Variants in MTCL1 observed in about 807,000 individuals in gnomAD.
MTCL1 encodes the protein microtubule cross-linking factor 1.
In MTCL1, 79 loss-of-function variants were observed where a neutral mutation model predicts 141.4. That is an observed-to-expected ratio of 0.56 (90% CI 0.47 to 0.67). MTCL1 has a LOEUF of 0.67. MTCL1 is among the 30% of genes least tolerant of loss of function. The pLI is 0.00. For synonymous variants in MTCL1, 914 were observed against 875.8 expected (o/e 1.04, Z -0.77); for missense variants, 2,177 against 2,113.9 (o/e 1.03, Z -0.59).
At chr18:8,763,822 C>G (rs549369710) in intron 4 of MTCL1, among the ~76,000 whole-genome samples, 1 of 152,152 alleles carries the variant, frequency 6.6e-6, no homozygotes, top group Non-Finnish European at 1.5e-5. Context: ...GCCATTGGCT[C>G]TTGGCATACT....
intron 12 of MTCL1, among the ~76,000 whole-genome samples, chr18:8,815,213 G>A (rs576087286): frequency 7.9e-5 from 12 of 151,980 alleles, no homozygotes; most frequent in Admixed American, 3.9e-4. Context: ...CAGAGACTTG[G>A]AACCAACCCA....
rs1334042570 is a variant in MTCL1 at position 8,828,610 on chromosome 18, G to A, written c.4723-298G>A. Among the ~76,000 whole-genome samples the A allele has an allele frequency of 1.3e-5, 2 of 152,170 alleles. No individual in the cohort carries two copies. Among genetic ancestry groups the A allele is most frequent in the Admixed American group, 6.5e-5 (1 of 15,284 alleles). The stretch of plus-strand genomic sequence containing the variant: ...AATGTTAAATGCTAAAGGGTGACTC[G>A]GAAGCATAGAAACTAGAGGGAGGTC... On this transcript the variant is annotated intron_variant, in intron 15 of 16. Coordinates refer to ENST00000359865, the Ensembl canonical transcript of MTCL1. This position sits in a 1 kb window ranked among gnomAD's most constrained non-coding sequence, Gnocchi z 5.2.
chr18:8,719,965 G>C (rs1337030067), intron 3 of MTCL1: 1 of 175,926 alleles, frequency 5.7e-6, no homozygotes, highest in East Asian at 1.5e-4. Context: ...GGCAGAATTG[G>C]CATGGTTGGT....
rs138220533 is a variant in MTCL1, at chr18:8,741,029, C to G, written c.357+20533C>G. On this transcript the variant is annotated intron_variant, in intron 4 of 16. Transcript: ENST00000359865. ...TTCCACAAAGCAACCCTAAATTGTC[C>G]CCTTTTACATAGGACAGTACCAGAG... 2.4e-3 allele frequency among the ~76,000 whole-genome samples: 360 copies of G among 152,308 alleles called. 3 individuals are homozygous for G. The highest frequency in any genetic ancestry group is 8.4e-3 in the African/African-American group (348 of 41,568).
At chr18:8,721,375 G>A (rs1183916538) in intron 4 of MTCL1, among the ~76,000 whole-genome samples, 1 of 152,206 alleles carries the variant, frequency 6.6e-6, no homozygotes, top group African/African-American at 2.4e-5. Context: ...ATGGGCTCTG[G>A]GTAGGGTTGT....
At chr18:8,718,866 G>T (rs2096148603) in intron 3 of MTCL1, among the ~76,000 whole-genome samples, 1 of 152,104 alleles carries the variant, frequency 6.6e-6, no homozygotes, top group Admixed American at 6.5e-5. Context: ...AAAAAATGAT[G>T]ATTATTTGTG....
chr18:8,792,386 G>C (rs12326181), intron 7 of MTCL1, among the ~76,000 whole-genome samples: 1 of 152,024 alleles, frequency 6.6e-6, no homozygotes, highest in Non-Finnish European at 1.5e-5. Flanking sequence ...ATCTTTGTGC[G>C]ATTCCCTGTA....
At chr18:8,712,326 G>A (rs1158714249) in intron 1 of MTCL1, among the ~76,000 whole-genome samples, 1 of 152,232 alleles carries the variant, frequency 6.6e-6, no homozygotes, top group African/African-American at 2.4e-5. Context: ...GTGTCTCACT[G>A]CTGATCCAAG....
At chr18:8,821,135 C>T (rs540409894) in intron 13 of MTCL1, among the ~76,000 whole-genome samples, 61 of 152,312 alleles carry the variant, frequency 4.0e-4, no homozygotes, top group African/African-American at 1.2e-3. Flanking sequence ...TTACAAATCC[C>T]GCTTTGAAAT....
rs71356268 is a variant in MTCL1, at chr18:8,805,102, A to AATATATATATATAT, written c.2437-1787_2437-1774dup. Among the ~76,000 whole-genome samples the AATATATATATATAT allele has an allele frequency of 6.5e-3, 948 of 146,314 alleles. 13 individuals are homozygous for AATATATATATATAT. Among genetic ancestry groups the AATATATATATATAT allele is most frequent in the African/African-American group, 0.02 (765 of 38,896 alleles). On this transcript the variant is annotated intron_variant, in intron 10 of 16. Coordinates refer to ENST00000359865, the Ensembl canonical transcript of MTCL1. Reference sequence around the variant, plus strand: ...TCTTTTTAATACAACTTTATTTTTGAATATATATATATATATAGAATTTTA... The same window carrying AATATATATATATAT: ...TCTTTTTAATACAACTTTATTTTTGAATATATATATATATATATATATATATATATAGAATTTTA...
chr18:8,830,196 C>A lies in MTCL1; in HGVS notation c.*18+1232C>A. 3.0e-6 allele frequency: 3 copies of A among 985,702 alleles called. No homozygotes were observed. Among genetic ancestry groups the A allele is most frequent in the Non-Finnish European group, 2.4e-6 (2 of 830,128 alleles). 61.1% of individuals were successfully genotyped at this position (985,702 alleles called of 1,614,324 possible). ...CACAGGAGCACCTTGGGTTAGTCTGCATCTTGGTGGCTGGTGGCGCTGGTG... is the reference window on the plus strand; with the variant it reads ...CACAGGAGCACCTTGGGTTAGTCTGAATCTTGGTGGCTGGTGGCGCTGGTG... On this transcript the variant is annotated intron_variant, in intron 16 of 16. Coordinates refer to ENST00000359865, the Ensembl canonical transcript of MTCL1. The surrounding 1 kb of genome is among the most constrained non-coding windows in gnomAD (Gnocchi z 6.4).
chr18:8,786,113 C>A (rs761812663), intron 7 of MTCL1, 22 bp downstream of exon 6: 51 of 1,383,454 alleles, frequency 3.7e-5, no homozygotes, highest in Admixed American at 1.8e-4. Flanking sequence ...CAAGCAATCC[C>A]CCCCCCCCGC....
At chr18:8,808,519 G>C (rs1263886629) in intron 11 of MTCL1, among the ~76,000 whole-genome samples, 1 of 152,182 alleles carries the variant, frequency 6.6e-6, no homozygotes, top group Non-Finnish European at 1.5e-5. Flanking sequence ...AAGCCAGGTG[G>C]TAATAGGTAG....
chr18:8,782,313 G>T (rs571303495), intron 5 of MTCL1: 7 of 152,242 alleles, frequency 4.6e-5, no homozygotes, highest in Non-Finnish European at 1.0e-4. Flanking sequence ...GTTTCTCTGT[G>T]TGATGGGGGA....
rs896643198 is a variant in MTCL1, at chr18:8,810,581, T to C, written c.2605-2398T>C. ...GAGGACCTGTTGGTTGCTGGAAGCA[T>C]CTACAGGTGAACAGACGTACGTGCG... On this transcript the variant is annotated intron_variant, in intron 11 of 16. Transcript: ENST00000359865. This position sits in a 1 kb window ranked among gnomAD's most constrained non-coding sequence, Gnocchi z 5.0. Among the ~76,000 whole-genome samples, 3 of 152,148 alleles carry C rather than the reference T, an allele frequency of 2.0e-5. No individual in the cohort carries two copies. Among genetic ancestry groups the C allele is most frequent in the African/African-American group, 7.2e-5 (3 of 41,428 alleles).
chr18:8,772,860 G>A (rs2096490526), intron 4 of MTCL1, among the ~76,000 whole-genome samples: 1 of 151,858 alleles, frequency 6.6e-6, no homozygotes, highest in Non-Finnish European at 1.5e-5. Context: ...GAGTCCTATT[G>A]TATTGTGTAC....
At chr18:8,730,203 A>T (rs1001663895) in intron 4 of MTCL1, among the ~76,000 whole-genome samples, 5 of 152,066 alleles carry the variant, frequency 3.3e-5, no homozygotes, top group Non-Finnish European at 7.4e-5. Context: ...ATATGTCCTG[A>T]AAGTGCTTTC....
exon 17 of MTCL1, chr18:8,831,878 C>A: frequency 6.7e-7 from 1 of 1,495,244 alleles, no homozygotes; most frequent in Non-Finnish European, 9.1e-7. Flanking sequence ...CAAAACTCTG[C>A]CCAACAGGAG....
At chr18:8,726,472 G>GGAGAGAGAGAGAGAGAGAGA (rs374393768) in intron 4 of MTCL1, among the ~76,000 whole-genome samples, 3 of 131,590 alleles carry the variant, frequency 2.3e-5, no homozygotes, top group Non-Finnish European at 3.2e-5. Context: ...GAGAATAAGA[G>GGAGAGAGAGAGAGAGAGAGA]GAGAGAGAGA....
Sources: gnomAD v4.1 joint callset for allele counts (sites outside exome capture counted in the v4.1 genomes callset) on GRCh38, gnomAD v4.1.1 for gene constraint, Gnocchi (gnomAD v3.1) non-coding constraint, MANE v1.5 for transcripts, NCBI Gene and HGNC (gene_info 2026-07-23, HGNC 2026-07-21) for gene names.